The following STK33 variants were observed in gnomAD, a reference collection of about 807,000 sequenced individuals.
STK33 encodes serine/threonine kinase 33, also known as serine/threonine-protein kinase 33.
In STK33, 52 loss-of-function variants were observed where a neutral mutation model predicts 58.0. The observed-to-expected ratio is 0.90, with a 90% CI of 0.72 to 1.13. The LOEUF (loss-of-function observed/expected upper bound fraction) is 1.13, where lower values mean the gene tolerates loss of function less well. Ranked by LOEUF, STK33 falls within the 50% of genes most tolerant of loss-of-function variation. The probability of loss-of-function intolerance (pLI) is 0.00; values close to 1 mark genes in which losing one functional copy is unlikely to be tolerated. For missense variants in STK33, 630 were observed against 604.2 expected, an observed-to-expected ratio of 1.04 and a Z score of -0.45; for synonymous variants, 215 against 200.1, an observed-to-expected ratio of 1.07 and a Z score of -0.63.
intron 15 of STK33, among the ~76,000 whole-genome samples, chr11:8,409,776 G>A (rs760361942): frequency 6.6e-6 from 1 of 152,120 alleles, no homozygotes; most frequent in African/African-American, 2.4e-5. Context: ...ATATAATAAT[G>A]AAAGCATTAA....
intron 1 of STK33, among the ~76,000 whole-genome samples, chr11:8,506,466 G>A (rs1345078591): frequency 6.6e-6 from 1 of 152,142 alleles, no homozygotes; most frequent in Non-Finnish European, 1.5e-5. Context: ...CAGCCTCCCT[G>A]GGCTAAAATC....
intron 1 of STK33, among the ~76,000 whole-genome samples, chr11:8,526,358 C>T (rs1226860420): frequency 6.6e-6 from 1 of 151,808 alleles, no homozygotes; most frequent in Non-Finnish European, 1.5e-5. Flanking sequence ...CACCACTGTA[C>T]TCCAGCCTGG....
intron 15 of STK33, among the ~76,000 whole-genome samples, chr11:8,409,626 G>T (rs1214911591): frequency 1.3e-5 from 2 of 152,156 alleles, no homozygotes; most frequent in Non-Finnish European, 2.9e-5. Context: ...AACAAGGTTA[G>T]AAGCAGCACA....
rs1403196961 is a variant in STK33, at chr11:8,392,302, G to A, written c.*208C>T. 3 of 609,310 alleles carry A rather than the reference G, an allele frequency of 4.9e-6. No individual in the cohort carries two copies. Among genetic ancestry groups the A allele is most frequent in the Non-Finnish European group, 8.6e-6 (3 of 349,910 alleles). 37.7% of individuals were successfully genotyped at this position (609,310 alleles called of 1,614,324 possible). ...ACTGCAGCCCACTGCCAAGCCTACT[G>A]GTGGCTGTCCTTTAATGCCATGTGC... On this transcript the variant is annotated 3_prime_UTR_variant, in exon 16 of 16. Transcript: ENST00000687296.
chr11:8,433,595 A>G (rs1341925982), intron 14 of STK33, among the ~76,000 whole-genome samples: 2 of 152,176 alleles, frequency 1.3e-5, no homozygotes, highest in East Asian at 3.9e-4. Context: ...GATCCTATCT[A>G]ATATAGAACC....
intron 6 of STK33, chr11:8,467,198 C>A (rs529038923): frequency 6.6e-6 from 1 of 152,332 alleles, no homozygotes; most frequent in East Asian, 1.9e-4. Context: ...CTGCAGCCAG[C>A]TTGAATTTCT....
At chr11:8,521,054 T>A (rs2139817377) in intron 1 of STK33, among the ~76,000 whole-genome samples, 1 of 150,286 alleles carries the variant, frequency 6.7e-6, no homozygotes, top group African/African-American at 2.4e-5. Context: ...AAAAATTATT[T>A]ATAATTTATA....
At chr11:8,365,692 TC>T in the STK33 span, among the ~76,000 whole-genome samples, 2 of 152,160 alleles carry the variant, frequency 1.3e-5, no homozygotes, top group Non-Finnish European at 1.5e-5. Flanking sequence ...CAGCTACCTT[TC>T]CCACGTTTCT....
chr11:8,507,517 A>G (rs1242616036), intron 1 of STK33, among the ~76,000 whole-genome samples: 2 of 152,184 alleles, frequency 1.3e-5, no homozygotes, highest in Non-Finnish European at 2.9e-5. Context: ...CTACCCAGCG[A>G]AGAGTCTTTG....
chr11:8,450,693 A>T (rs1946169702), intron 11 of STK33, among the ~76,000 whole-genome samples: 1 of 152,194 alleles, frequency 6.6e-6, no homozygotes, highest in Non-Finnish European at 1.5e-5. Flanking sequence ...AGAAAAGACA[A>T]AGGAAGCACA....
chr11:8,491,352 A>G (rs534236792), intron 1 of STK33, among the ~76,000 whole-genome samples: 26 of 152,332 alleles, frequency 1.7e-4, no homozygotes, highest in African/African-American at 6.0e-4. Flanking sequence ...CAGTGACTGA[A>G]GATCAAATGA....
the STK33 span, among the ~76,000 whole-genome samples, chr11:8,366,013 G>C: frequency 6.6e-6 from 1 of 152,208 alleles, no homozygotes; most frequent in East Asian, 1.9e-4. Flanking sequence ...TGCCTGTTCT[G>C]GGGTAAGTCT....
At position 8,536,752 on chromosome 11, in the gene STK33, T is replaced by C. The variant is rs116619084; in HGVS notation, c.-465-56138A>G. On this transcript the variant is annotated intron_variant, in intron 1 of 15. Transcript: ENST00000687296. Reference sequence around the variant, plus strand: ...TATGCTGAAATGTCCCTTTTTCTTTTCTTTTTTTGTTGTTGTTTATTTGTT... The same window carrying C: ...TATGCTGAAATGTCCCTTTTTCTTTCCTTTTTTTGTTGTTGTTTATTTGTT... 8.8e-3 allele frequency among the ~76,000 whole-genome samples: 1,341 copies of C among 151,966 alleles called. 15 individuals carry two copies. The highest frequency in any genetic ancestry group is 0.027 in the African/African-American group (1,104 of 41,466).
intron 14 of STK33, among the ~76,000 whole-genome samples, chr11:8,425,029 C>T (rs372198218): frequency 6.9e-6 from 1 of 143,966 alleles, no homozygotes; most frequent in Non-Finnish European, 1.5e-5. Flanking sequence ...GTTGCCATTG[C>T]TTTTGGTGTT....
intron 15 of STK33, among the ~76,000 whole-genome samples, chr11:8,411,232 G>A (rs1940186006): frequency 6.6e-6 from 1 of 152,210 alleles, no homozygotes; most frequent in South Asian, 2.1e-4. Context: ...AGATATACAT[G>A]AGAGAACATT....
Position 8,474,980 on chromosome 11 carries a change from T to C in STK33, c.-75A>G, listed in dbSNP as rs1565127875. On this transcript the variant is annotated 5_prime_UTR_variant, in exon 5 of 16. Coordinates refer to ENST00000687296, the MANE Select transcript of STK33 (RefSeq NM_001352389.2). ...AGGAAGAAAACCAGGCCAAAAAGGA[T>C]AAGGTAGTTGATGGTGAAAACTGTA... 1.4e-6 allele frequency: 2 copies of C among 1,389,518 alleles called. No individual in the cohort carries two copies. Among genetic ancestry groups the C allele is most frequent in the Non-Finnish European group, 1.9e-6 (2 of 1,027,150 alleles). The allele number at this position is 1,389,518 out of a possible 1,614,324, so 86.1% of individuals were successfully genotyped here.
chr11:8,350,976 C>T, the STK33 span, among the ~76,000 whole-genome samples: 2 of 152,102 alleles, frequency 1.3e-5, no homozygotes, highest in East Asian at 3.9e-4. Flanking sequence ...AAGCTCAGAA[C>T]TCCAGGTTGG....
At chr11:8,363,344 T>C in the STK33 span, among the ~76,000 whole-genome samples, 1 of 152,208 alleles carries the variant, frequency 6.6e-6, no homozygotes, top group Non-Finnish European at 1.5e-5. Context: ...ACATTTTCAG[T>C]ATACAGCTGG....
At chr11:8,529,395 T>C (rs989643999) in intron 1 of STK33, among the ~76,000 whole-genome samples, 1 of 152,130 alleles carries the variant, frequency 6.6e-6, no homozygotes, top group Non-Finnish European at 1.5e-5. Context: ...TCAAAAGATA[T>C]ACTGAGGTCT....
Sources: allele counts gnomAD v4.1 joint callset (sites outside exome capture counted in the v4.1 genomes callset), GRCh38; gene constraint gnomAD v4.1.1; transcripts MANE v1.5; gene names NCBI Gene and HGNC (gene_info 2026-07-23, HGNC 2026-07-21).